The following FAT3 variants were observed in gnomAD, a reference collection of about 807,000 sequenced individuals.
FAT3 encodes the protein FAT atypical cadherin 3, also known as protocadherin Fat 3.
Under a neutral mutation model 310.2 loss-of-function variants are expected in FAT3, and 95 were observed. That is an observed-to-expected ratio of 0.31 (90% confidence interval 0.26 to 0.36). The LOEUF is 0.36. Ranked by LOEUF, FAT3 falls within the 10% of genes least tolerant of loss-of-function variation. The pLI, the probability that FAT3 is intolerant of heterozygous loss-of-function variation, is 1.00. For synonymous variants in FAT3, 2,314 were observed against 2,192.9 expected, an observed-to-expected ratio of 1.06 and a Z score of -1.54; for missense variants, 5,408 against 5,715.6, an observed-to-expected ratio of 0.95 and a Z score of 1.74.
chr11:92,236,656 C>G (rs1349955797), intron 1 of FAT3, among the ~76,000 whole-genome samples: 1 of 152,130 alleles, frequency 6.6e-6, no homozygotes, highest in Non-Finnish European at 1.5e-5. Flanking sequence ...ATTAAGTGAT[C>G]TGTGTTTATT....
intron 3 of FAT3, among the ~76,000 whole-genome samples, chr11:92,609,714 C>T (rs1196631386): frequency 1.3e-5 from 2 of 151,986 alleles, no homozygotes; most frequent in Non-Finnish European, 2.9e-5. Context: ...AGAGAGTAAA[C>T]TAGAAGGATA....
chr11:92,436,413 A>T (rs190128000), intron 2 of FAT3, among the ~76,000 whole-genome samples: 16 of 152,234 alleles, frequency 1.1e-4, no homozygotes, highest in African/African-American at 3.9e-4. Flanking sequence ...AAATGCTGGG[A>T]TTACAGGCGT....
chr11:92,385,534 A>T (rs1296432392), intron 2 of FAT3, among the ~76,000 whole-genome samples: 1 of 151,848 alleles, frequency 6.6e-6, no homozygotes, highest in East Asian at 2.0e-4. Flanking sequence ...CACCCAGCTA[A>T]TTTTTATATT....
chr11:92,660,099 T>C (rs190127642), intron 3 of FAT3, among the ~76,000 whole-genome samples: 2 of 152,140 alleles, frequency 1.3e-5, no homozygotes, highest in Non-Finnish European at 2.9e-5. Context: ...GTATTCTTTT[T>C]TTTTTCTTAA....
At chr11:92,539,950 C>T (rs1272609983) in intron 3 of FAT3, among the ~76,000 whole-genome samples, 1 of 152,150 alleles carries the variant, frequency 6.6e-6, no homozygotes, top group Admixed American at 6.5e-5. Flanking sequence ...GCTTGGTGTC[C>T]TTCTGTCACT....
chr11:92,377,848 T>G (rs1949386747), intron 2 of FAT3, among the ~76,000 whole-genome samples: 1 of 152,222 alleles, frequency 6.6e-6, no homozygotes, highest in South Asian at 2.1e-4. Flanking sequence ...CTCTGATTCC[T>G]TTCCAAAGGT....
At chr11:92,348,728 T>C (rs1323871905) in intron 1 of FAT3, among the ~76,000 whole-genome samples, 1 of 152,190 alleles carries the variant, frequency 6.6e-6, no homozygotes, top group African/African-American at 2.4e-5. Context: ...CTCTTCATTT[T>C]ATGGACCCTG....
At chr11:92,410,680 G>A (rs1022160966) in intron 2 of FAT3, among the ~76,000 whole-genome samples, 5 of 152,040 alleles carry the variant, frequency 3.3e-5, no homozygotes, top group African/African-American at 1.2e-4. Context: ...TGAGTTTACG[G>A]AATAATTTTC....
chr11:92,785,206 A>G (rs1946857118), intron 7 of FAT3, among the ~76,000 whole-genome samples: 1 of 152,176 alleles, frequency 6.6e-6, no homozygotes, highest in Non-Finnish European at 1.5e-5. Context: ...GCAGCCATTT[A>G]TGCAAATAGC....
intron 3 of FAT3, among the ~76,000 whole-genome samples, chr11:92,546,210 G>A (rs893903725): frequency 1.3e-4 from 20 of 152,176 alleles, no homozygotes; most frequent in Admixed American, 4.6e-4. Flanking sequence ...ATAATATCCC[G>A]ATCTACAGAG....
At chr11:92,523,086 T>C (rs1339338947) in intron 2 of FAT3, among the ~76,000 whole-genome samples, 1 of 152,172 alleles carries the variant, frequency 6.6e-6, no homozygotes, top group African/African-American at 2.4e-5. Flanking sequence ...GTCTTATAGA[T>C]GGCAGTGTCA....
chr11:92,272,194 A>C (rs550586522), intron 1 of FAT3, among the ~76,000 whole-genome samples: 27 of 152,212 alleles, frequency 1.8e-4, no homozygotes, highest in African/African-American at 6.3e-4. Context: ...AAAATCTTGA[A>C]GGGGAAATTG....
intron 19 of FAT3, among the ~76,000 whole-genome samples, chr11:92,848,198 T>C (rs1007215655): frequency 6.6e-6 from 1 of 152,242 alleles, no homozygotes; most frequent in Non-Finnish European, 1.5e-5. Flanking sequence ...ATTATCATCA[T>C]TAGCATCTTG....
At chr11:92,406,193 A>T (rs1950133667) in intron 2 of FAT3, among the ~76,000 whole-genome samples, 1 of 151,814 alleles carries the variant, frequency 6.6e-6, no homozygotes, top group Non-Finnish European at 1.5e-5. Flanking sequence ...CCTAGTTTCC[A>T]CTATGAGTTC....
chr11:92,343,621 G>A lies in FAT3; in HGVS notation c.-17-8475G>A, dbSNP rs186087076. On this transcript the variant is annotated intron_variant, in intron 1 of 27. Coordinates refer to ENST00000525166, the MANE Select transcript of FAT3 (RefSeq NM_001367949.2). ...TTCGTGTTAGACCTTGTAGCTCACA[G>A]AACTGTGCAAATTCTCTATTTGCTT... 4.5e-3 allele frequency among the ~76,000 whole-genome samples: 679 copies of A among 152,324 alleles called. 9 individuals are homozygous for A. Among genetic ancestry groups the A allele is most frequent in the African/African-American group, 0.015 (643 of 41,580 alleles).
chr11:92,585,665 T>G lies in FAT3; in HGVS notation c.3607+60717T>G, dbSNP rs563582351. ...ATGGAGAAGCAGGAGCACAGAGAGGTTAAGTCAATTGGCTGTTTTTATAGC... is the reference window on the plus strand; with the variant it reads ...ATGGAGAAGCAGGAGCACAGAGAGGGTAAGTCAATTGGCTGTTTTTATAGC... On this transcript the variant is annotated intron_variant, in intron 3 of 27. Transcript: ENST00000525166. 7.2e-5 allele frequency among the ~76,000 whole-genome samples: 11 copies of G among 152,064 alleles called. No homozygotes were observed. The East Asian group carries it at 2.1e-3, about 30-fold the overall frequency.
intron 2 of FAT3, among the ~76,000 whole-genome samples, chr11:92,364,161 C>T (rs180999192): frequency 9.5e-4 from 145 of 152,228 alleles, no homozygotes; most frequent in African/African-American, 3.2e-3. Flanking sequence ...AACCTACAAC[C>T]TGGAAACTTG....
intron 1 of FAT3, among the ~76,000 whole-genome samples, chr11:92,306,721 T>A (rs1288155172): frequency 8.3e-6 from 1 of 120,312 alleles, no homozygotes; most frequent in Admixed American, 1.2e-4. Context: ...TATATTTATA[T>A]ATTATATATA....
At chr11:92,737,828 G>T (rs1406578769) in intron 4 of FAT3, among the ~76,000 whole-genome samples, 1 of 151,928 alleles carries the variant, frequency 6.6e-6, no homozygotes, top group Non-Finnish European at 1.5e-5. Flanking sequence ...GTCAAGAATT[G>T]TTCAATTGTG....
Sources: allele counts gnomAD v4.1 joint callset (sites outside exome capture counted in the v4.1 genomes callset), GRCh38; gene constraint gnomAD v4.1.1; transcripts MANE v1.5; gene names NCBI Gene and HGNC (gene_info 2026-07-23, HGNC 2026-07-21).